Variants in SDK1 observed in about 807,000 individuals in gnomAD.
SDK1 encodes protein sidekick-1.
Under a neutral mutation model 245.5 loss-of-function variants are expected in SDK1, and 157 were observed. The ratio of observed to expected loss-of-function variants is 0.64; its 90% CI spans 0.56 to 0.73. The LOEUF (loss-of-function observed/expected upper bound fraction) is 0.73. Among genes scored for constraint, SDK1 ranks in the 30% least tolerant of loss-of-function variants. The pLI, the probability that SDK1 is intolerant of heterozygous loss-of-function variation, is 0.00. For missense variants in SDK1, 3,583 were observed against 3,002.3 expected, an observed-to-expected ratio of 1.19 and a Z score of -4.52; for synonymous variants, 1,647 against 1,278.5, an observed-to-expected ratio of 1.29 and a Z score of -6.15.
At chr7:3,667,277 A>G (rs1005013254) in intron 4 of SDK1, among the ~76,000 whole-genome samples, 1 of 152,210 alleles carries the variant, frequency 6.6e-6, no homozygotes, top group African/African-American at 2.4e-5. Context: ...TGTATAGAGA[A>G]CACTGCAGCA....
At chr7:4,209,464 C>A (rs1784401885) in intron 37 of SDK1, among the ~76,000 whole-genome samples, 1 of 152,242 alleles carries the variant, frequency 6.6e-6, no homozygotes, top group Non-Finnish European at 1.5e-5. Flanking sequence ...CGGCCACACA[C>A]CTGACCTTCA....
At chr7:3,879,965 G>C (rs1311518277) in intron 5 of SDK1, among the ~76,000 whole-genome samples, 1 of 152,016 alleles carries the variant, frequency 6.6e-6, no homozygotes, top group South Asian at 2.1e-4. Flanking sequence ...TTGAGATAAA[G>C]AGCCAGGAGA....
chr7:3,808,428 C>G (rs1583435617), intron 4 of SDK1, among the ~76,000 whole-genome samples: 1 of 152,224 alleles, frequency 6.6e-6, no homozygotes, highest in South Asian at 2.1e-4. Flanking sequence ...ATGCCAGTGT[C>G]TGTCTCCCAA....
At chr7:3,591,421 A>G (rs752260067) in intron 1 of SDK1, among the ~76,000 whole-genome samples, 18 of 152,232 alleles carry the variant, frequency 1.2e-4, no homozygotes, top group Non-Finnish European at 2.6e-4. Context: ...AGACCTTCCC[A>G]TTATTAATTC....
chr7:3,813,284 C>T (rs1484597996), intron 4 of SDK1, among the ~76,000 whole-genome samples: 1 of 138,522 alleles, frequency 7.2e-6, no homozygotes, highest in East Asian at 2.3e-4. Context: ...ACCACAGTCC[C>T]CAGAGTGTGA....
intron 4 of SDK1, among the ~76,000 whole-genome samples, chr7:3,765,727 C>T (rs1403643478): frequency 1.3e-5 from 2 of 152,094 alleles, no homozygotes. Context: ...TTATGAATTG[C>T]CTTCTTTGGT....
intron 1 of SDK1, among the ~76,000 whole-genome samples, chr7:3,617,360 C>T (rs951244135): frequency 6.6e-6 from 1 of 152,172 alleles, no homozygotes; most frequent in Non-Finnish European, 1.5e-5. Context: ...TATCTGATAA[C>T]TATTGTAAAT....
At chr7:4,190,835 C>T (rs900088378) in intron 35 of SDK1, among the ~76,000 whole-genome samples, 5 of 152,342 alleles carry the variant, frequency 3.3e-5, no homozygotes, top group Non-Finnish European at 7.4e-5. Context: ...GCTGTGGTGC[C>T]CCTAGGCAGA....
intron 4 of SDK1, among the ~76,000 whole-genome samples, chr7:3,780,737 A>G (rs111894829): frequency 6.6e-6 from 1 of 151,074 alleles, no homozygotes; most frequent in African/African-American, 2.4e-5. Flanking sequence ...CACCCTGTGC[A>G]GGCAGAGACT....
intron 1 of SDK1, among the ~76,000 whole-genome samples, chr7:3,451,664 A>G (rs1780519113): frequency 6.6e-6 from 1 of 152,196 alleles, no homozygotes; most frequent in South Asian, 2.1e-4. Flanking sequence ...CTGAAATTTA[A>G]GCTACAGCCA....
chr7:3,597,596 T>G (rs1488265851), intron 1 of SDK1, among the ~76,000 whole-genome samples: 7 of 152,094 alleles, frequency 4.6e-5, no homozygotes, highest in Admixed American at 2.6e-4. Flanking sequence ...ACCTGCTCTG[T>G]TTTGAGATTG....
At position 3,725,801 on chromosome 7, in the gene SDK1, C is replaced by A. The variant is rs139886666; in HGVS notation, c.713+83696C>A. Among the ~76,000 whole-genome samples the A allele has an allele frequency of 3.0e-4, 45 of 152,270 alleles. No individual in the cohort carries two copies. In the East Asian group the frequency reaches 8.7e-3, roughly 29 times the overall value. On this transcript the variant is annotated intron_variant, in intron 4 of 44. Coordinates refer to ENST00000404826, the MANE Select transcript of SDK1 (RefSeq NM_152744.4). Reference sequence around the variant, plus strand: ...TCGTCTTCTCTTTTATAAGCATGGTCACGAATGACATGTGATTTGAAACCA... The same window carrying A: ...TCGTCTTCTCTTTTATAAGCATGGTAACGAATGACATGTGATTTGAAACCA...
intron 1 of SDK1, among the ~76,000 whole-genome samples, chr7:3,305,294 ACTC>A (rs770204536): frequency 2.1e-5 from 3 of 146,308 alleles, no homozygotes; most frequent in Non-Finnish European, 3.0e-5. Flanking sequence ...GCATTTAAAA[ACTC>A]CTCAAGTGAT....
At chr7:3,515,070 T>C (rs577343339) in intron 1 of SDK1, among the ~76,000 whole-genome samples, 6 of 152,242 alleles carry the variant, frequency 3.9e-5, no homozygotes, top group African/African-American at 4.8e-5. Flanking sequence ...ATCCAAGATA[T>C]TCTGCGGGTA....
At chr7:3,914,236 C>T (rs1020286836) in intron 5 of SDK1, among the ~76,000 whole-genome samples, 51 of 152,144 alleles carry the variant, frequency 3.4e-4, no homozygotes, top group African/African-American at 1.2e-3. Flanking sequence ...GCATTATTAC[C>T]GTACTTGCCT....
chr7:3,497,926 A>T (rs1280690049), intron 1 of SDK1, among the ~76,000 whole-genome samples: 1 of 152,158 alleles, frequency 6.6e-6, no homozygotes, highest in Non-Finnish European at 1.5e-5. Context: ...TCTGGATGTG[A>T]TACTTTTTCC....
chr7:3,780,508 T>G (rs1161755728), intron 4 of SDK1, among the ~76,000 whole-genome samples: 1 of 152,160 alleles, frequency 6.6e-6, no homozygotes, highest in Non-Finnish European at 1.5e-5. Flanking sequence ...AACCCACATT[T>G]AAAGCTAAGC....
At chr7:3,552,404 G>A (rs1364249353) in intron 1 of SDK1, among the ~76,000 whole-genome samples, 1 of 152,146 alleles carries the variant, frequency 6.6e-6, no homozygotes, top group Admixed American at 6.5e-5. Context: ...GTAGATGCTT[G>A]TTGAATGAAT....
At chr7:3,359,035 G>C (rs2128560174) in intron 1 of SDK1, among the ~76,000 whole-genome samples, 1 of 152,238 alleles carries the variant, frequency 6.6e-6, no homozygotes, top group African/African-American at 2.4e-5. Context: ...CTCAGGGATT[G>C]TTTTTGGCAT....
Sources: allele counts gnomAD v4.1 joint callset (sites outside exome capture counted in the v4.1 genomes callset), GRCh38; gene constraint gnomAD v4.1.1; transcripts MANE v1.5; gene names NCBI Gene and HGNC (gene_info 2026-07-23, HGNC 2026-07-21).